Variants in TRAPPC11 observed in about 807,000 individuals in gnomAD.
TRAPPC11 encodes the protein trafficking protein particle complex subunit 11.
TRAPPC11 carries 104 observed loss-of-function variants against 151.2 expected under a neutral mutation model. That is an observed-to-expected ratio of 0.69 (90% confidence interval 0.59 to 0.81). The LOEUF (loss-of-function observed/expected upper bound fraction) is 0.81. TRAPPC11 is among the 30% of genes least tolerant of loss of function. TRAPPC11 has a pLI of 0.00. For missense variants in TRAPPC11, 1,230 were observed against 1,349.6 expected (o/e 0.91, Z 1.39); for synonymous variants, 456 against 472.3 (o/e 0.97, Z 0.45).
intron 10 of TRAPPC11, among the ~76,000 whole-genome samples, chr4:183,680,505 T>C (rs1735622361): frequency 6.6e-6 from 1 of 152,170 alleles, no homozygotes; most frequent in African/African-American, 2.4e-5. Context: ...AGTTAGTGAC[T>C]ATTTAGACAA....
chr4:183,665,602 G>A (rs1734840250), intron 2 of TRAPPC11, among the ~76,000 whole-genome samples: 1 of 152,216 alleles, frequency 6.6e-6, no homozygotes. Context: ...ACCATGAAGT[G>A]GAGTAGTCTG....
At chr4:183,697,625 G>A (rs566504361) in intron 24 of TRAPPC11, 54 bp from the exon 25 acceptor site, 1 of 1,608,010 alleles carries the variant, frequency 6.2e-7, no homozygotes, top group South Asian at 1.1e-5. Flanking sequence ...GGACTGAAAT[G>A]ATAAAATGGA....
rs571088260 is a variant in TRAPPC11 at position 183,674,188 on chromosome 4, C to T, written c.561-525C>T. On this transcript the variant is annotated intron_variant, in intron 5 of 29. Transcript: ENST00000334690. ...CAGCACTTTGGGAGGCCAAGGTGGG[C>T]GGATCACTTGAGGTCAGGAGATCAA... is the stretch of plus-strand genomic sequence containing the variant. 2.1e-3 allele frequency among the ~76,000 whole-genome samples: 318 copies of T among 151,100 alleles called. 2 individuals are homozygous for T. Among genetic ancestry groups the T allele is most frequent in the African/African-American group, 7.3e-3 (300 of 41,118 alleles).
At chr4:183,697,882 C>CGTGT (rs111781155) in intron 25 of TRAPPC11, 47 bp downstream of exon 25, 7 of 1,034,208 alleles carry the variant, frequency 6.8e-6, no homozygotes, top group African/African-American at 2.2e-5. Flanking sequence ...ATTGTGCGCG[C>CGTGT]GTGTGTGTGT....
chr4:183,682,627 G>A, intron 10 of TRAPPC11, 105 bp from the exon 11 acceptor site: 1 of 493,652 alleles, frequency 2.0e-6, no homozygotes, highest in Non-Finnish European at 3.6e-6. Context: ...TATATATTTG[G>A]TGGTTGTATT....
intron 2 of TRAPPC11, among the ~76,000 whole-genome samples, chr4:183,665,724 C>T (rs1303702829): frequency 6.6e-6 from 1 of 152,250 alleles, no homozygotes; most frequent in Non-Finnish European, 1.5e-5. Flanking sequence ...TGCCCAGACT[C>T]AAGTGGCTGC....
At chr4:183,708,026 G>A (rs1737164383) in intron 28 of TRAPPC11, among the ~76,000 whole-genome samples, 2 of 151,906 alleles carry the variant, frequency 1.3e-5, no homozygotes, top group South Asian at 4.2e-4. Flanking sequence ...TTGACATAAT[G>A]TCTACAAGTA....
intron 25 of TRAPPC11, 166 bp from the exon 26 acceptor site, chr4:183,701,529 TTG>T: frequency 1.8e-6 from 1 of 558,520 alleles, no homozygotes; most frequent in East Asian, 2.9e-5. Context: ...ACAGTGGACT[TTG>T]TGACCTTGAA....
chr4:183,673,032 C>T (rs1198223118), intron 5 of TRAPPC11, among the ~76,000 whole-genome samples: 3 of 150,072 alleles, frequency 2.0e-5, no homozygotes, highest in South Asian at 2.1e-4. Context: ...GCGTCATCTC[C>T]GTTCATTGCA....
Position 183,685,080 on chromosome 4 carries a change from C to T in TRAPPC11, c.1568-4C>T, listed in dbSNP as rs1437505157. 2 of 1,612,242 alleles carry T rather than the reference C, an allele frequency of 1.2e-6. No homozygotes were observed. Among genetic ancestry groups the T allele is most frequent in the Non-Finnish European group, 1.7e-6 (2 of 1,179,262 alleles). Reference sequence around the variant, plus strand: ...AAATGTTTTTCCTTCTTTCTTCATACTAGCTTCAACTCTGAAAGATGACCA... The same window carrying T: ...AAATGTTTTTCCTTCTTTCTTCATATTAGCTTCAACTCTGAAAGATGACCA... On this transcript the variant is annotated splice_region_variant and splice_polypyrimidine_tract_variant and intron_variant, in intron 15 of 29. Coordinates refer to ENST00000334690, the MANE Select transcript of TRAPPC11 (RefSeq NM_021942.6).
At chr4:183,662,115 T>C (rs1734582556) in intron 1 of TRAPPC11, among the ~76,000 whole-genome samples, 1 of 151,966 alleles carries the variant, frequency 6.6e-6, no homozygotes, top group African/African-American at 2.4e-5. Context: ...AGAACCTCAT[T>C]TGGGAGGCCA....
chr4:183,680,059 C>G (rs1680899776), intron 9 of TRAPPC11, 61 bp from the exon 10 acceptor site: 1 of 1,462,944 alleles, frequency 6.8e-7, no homozygotes, highest in Non-Finnish European at 9.4e-7. Context: ...GGATGAATTA[C>G]CAGAAATAAG....
chr4:183,690,851 C>A (rs1736224330), intron 18 of TRAPPC11, among the ~76,000 whole-genome samples: 1 of 152,004 alleles, frequency 6.6e-6, no homozygotes, highest in Admixed American at 6.6e-5. Context: ...GCCTATGGTC[C>A]CAGCTACTTT....
intron 5 of TRAPPC11, 26 bp downstream of exon 5, chr4:183,668,143 G>GT (rs1734974838): frequency 7.3e-6 from 10 of 1,373,868 alleles, no homozygotes; most frequent in Non-Finnish European, 1.0e-5. Flanking sequence ...TTAAAGTTTT[G>GT]TTTTTTTAGA....
chr4:183,694,191 G>T (rs931379591), intron 22 of TRAPPC11, among the ~76,000 whole-genome samples, 153 bp downstream of exon 22: 1 of 152,148 alleles, frequency 6.6e-6, no homozygotes, highest in Non-Finnish European at 1.5e-5. Flanking sequence ...TTTTACATAC[G>T]TAAATGTGTA....
chr4:183,672,356 T>A (rs1360079548), intron 5 of TRAPPC11, among the ~76,000 whole-genome samples: 2 of 152,138 alleles, frequency 1.3e-5, no homozygotes, highest in African/African-American at 4.8e-5. Context: ...GATTTTTTTT[T>A]ATTGTAGAAC....
At chr4:183,688,511 A>G (rs1736099726) in intron 18 of TRAPPC11, among the ~76,000 whole-genome samples, 1 of 152,194 alleles carries the variant, frequency 6.6e-6, no homozygotes, top group Non-Finnish European at 1.5e-5. Flanking sequence ...GATGTCTTTG[A>G]AGATTTATTT....
chr4:183,670,874 C>T (rs1437537732), intron 5 of TRAPPC11, among the ~76,000 whole-genome samples: 1 of 152,130 alleles, frequency 6.6e-6, no homozygotes, highest in African/African-American at 2.4e-5. Flanking sequence ...CAACCTCTGC[C>T]CCCCAGATTC....
rs1291694690 is a variant in TRAPPC11, at chr4:183,685,361, AG to A, written c.1721del (p.Ser574ThrfsTer6). On this transcript the variant is annotated frameshift_variant, in exon 17 of 30. Coordinates refer to ENST00000334690, the MANE Select transcript of TRAPPC11 (RefSeq NM_021942.6). LOFTEE classifies it high-confidence loss of function. The part of the protein sequence containing the change: ...LWADRISLAG[S>X]NIFTIGVQDF... ...GGCAGACCGAATTTCTCTGGCTGGC[AG>A]CAATATTTTCACAATAGGAGTACAG... 1 of 1,614,154 alleles carries A rather than the reference AG, an allele frequency of 6.2e-7. No homozygotes were observed. The highest frequency in any genetic ancestry group is 8.5e-7 in the Non-Finnish European group (1 of 1,180,000).
Sources: allele counts gnomAD v4.1 joint callset (sites outside exome capture counted in the v4.1 genomes callset), GRCh38; gene constraint gnomAD v4.1.1; transcripts MANE v1.5; gene names NCBI Gene and HGNC (gene_info 2026-07-23, HGNC 2026-07-21).